DAB2IP: variants seen among roughly 807,000 people sequenced by gnomAD.
The protein encoded by DAB2IP is DAB2 interacting protein, also known as disabled homolog 2-interacting protein.
A neutral mutation model predicts 107.2 loss-of-function variants in DAB2IP; 28 were observed. The ratio of observed to expected loss-of-function variants is 0.26; its 90% CI spans 0.19 to 0.36. The LOEUF is 0.36. DAB2IP is among the 10% of genes least tolerant of loss of function. DAB2IP has a pLI of 1.00. For synonymous variants in DAB2IP, 755 were observed against 706.4 expected, an observed-to-expected ratio of 1.07 and a Z score of -1.09; for missense variants, 1,400 against 1,644.7, an observed-to-expected ratio of 0.85 and a Z score of 2.57.
intron 3 of DAB2IP, among the ~76,000 whole-genome samples, chr9:121,718,335 G>A (rs555404473): frequency 2.9e-4 from 44 of 152,304 alleles, no homozygotes; most frequent in African/African-American, 8.7e-4. Context: ...GGGGGTCCTC[G>A]GACTCTGCTT....
At chr9:121,683,351 G>T (rs979530519) in intron 2 of DAB2IP, among the ~76,000 whole-genome samples, 2 of 152,098 alleles carry the variant, frequency 1.3e-5, no homozygotes. Context: ...AAACTTCCCT[G>T]TTGCGGGCTG....
chr9:121,582,941 G>A (rs759093794), intron 1 of DAB2IP, among the ~76,000 whole-genome samples: 1 of 152,386 alleles, frequency 6.6e-6, no homozygotes, highest in Non-Finnish European at 1.5e-5. Context: ...GCTCTGCCCT[G>A]CGGGCAGCCC....
intron 9 of DAB2IP, among the ~76,000 whole-genome samples, chr9:121,766,963 C>T (rs532173460): frequency 2.0e-5 from 3 of 152,326 alleles, no homozygotes; most frequent in African/African-American, 2.4e-5. Flanking sequence ...TTAAAGGTGA[C>T]GACATGAGAC....
chr9:121,588,951 G>A (rs1271234598), intron 1 of DAB2IP, among the ~76,000 whole-genome samples: 2 of 151,430 alleles, frequency 1.3e-5, no homozygotes, highest in Non-Finnish European at 2.9e-5. Context: ...GGAGATCCGG[G>A]TTGCACATCA....
chr9:121,651,231 C>T (rs1447178521), upstream of DAB2IP, among the ~76,000 whole-genome samples: 1 of 152,232 alleles, frequency 6.6e-6, no homozygotes, highest in Non-Finnish European at 1.5e-5. The surrounding 1 kb of genome is among the most constrained non-coding windows in gnomAD (Gnocchi z 5.1). Context: ...GGGCCAGGGC[C>T]TGCGGAGCAG....
In DAB2IP at chr9:121,641,740, G is replaced by A. The variant is rs907569221; in HGVS notation, c.41-36938G>A. Among the ~76,000 whole-genome samples the A allele has an allele frequency of 2.0e-5, 3 of 152,142 alleles. No homozygotes were observed. In the South Asian group the frequency reaches 6.3e-4, roughly 32 times the overall value. Reference sequence around the variant, plus strand: ...TGTCACACCAGGCCTCAAGAGGTAGGTCACTTGTTCCTGGTCCCACAGCCA... The same window carrying A: ...TGTCACACCAGGCCTCAAGAGGTAGATCACTTGTTCCTGGTCCCACAGCCA... On this transcript the variant is annotated intron_variant, in intron 1 of 16. Transcript: ENST00000259371.
At chr9:121,569,545 C>T (rs964095257) in intron 1 of DAB2IP, among the ~76,000 whole-genome samples, 21 of 152,226 alleles carry the variant, frequency 1.4e-4, no homozygotes, top group African/African-American at 4.6e-4. Flanking sequence ...GAAGGCTGGG[C>T]GCAGTGGCTC....
rs1162025600 is a variant in DAB2IP, at chr9:121,698,929, G to C, written c.229-396G>C. On this transcript the variant is annotated intron_variant, in intron 2 of 15. Transcript: ENST00000408936. The surrounding 1 kb of genome is among the most constrained non-coding windows in gnomAD (Gnocchi z 4.1). Reference sequence around the variant, plus strand: ...GCTCGGAGGCGGCAGGGAGGTGAGCGGGGCGGCCGGCCCTGGCGGTCCCCG... The same window carrying C: ...GCTCGGAGGCGGCAGGGAGGTGAGCCGGGCGGCCGGCCCTGGCGGTCCCCG... 2.0e-5 allele frequency among the ~76,000 whole-genome samples: 3 copies of C among 151,968 alleles called. No homozygotes were observed. Among genetic ancestry groups the C allele is most frequent in the African/African-American group, 4.8e-5 (2 of 41,422 alleles).
At chr9:121,766,756 A>G (rs1834316814) in intron 9 of DAB2IP, 26 bp downstream of exon 9, 1 of 1,610,764 alleles carries the variant, frequency 6.2e-7, no homozygotes, top group South Asian at 1.1e-5. Context: ...CTCACCAGGC[A>G]GAGTTGGGCA....
At chr9:121,697,684 AG>A (rs891897783) in intron 2 of DAB2IP, among the ~76,000 whole-genome samples, 38 of 152,334 alleles carry the variant, frequency 2.5e-4, no homozygotes, top group African/African-American at 8.9e-4. Flanking sequence ...TCCAGGCTGC[AG>A]AGGTGAGAGG....
chr9:121,769,990 A>G (rs1834585090), intron 10 of DAB2IP, among the ~76,000 whole-genome samples: 1 of 152,344 alleles, frequency 6.6e-6, no homozygotes, highest in African/African-American at 2.4e-5. Flanking sequence ...CAGTGTCCCC[A>G]AAGCCTAGAA....
intron 1 of DAB2IP, among the ~76,000 whole-genome samples, chr9:121,578,923 T>C (rs1830127888): frequency 6.6e-6 from 1 of 151,760 alleles, no homozygotes; most frequent in South Asian, 2.1e-4. Flanking sequence ...ACTGGCATTG[T>C]GCAACTCAAC....
At chr9:121,774,445 C>T (rs1336047450) in intron 13 of DAB2IP, 33 bp downstream of exon 13, 30 of 1,562,798 alleles carry the variant, frequency 1.9e-5, no homozygotes, top group Admixed American at 7.8e-5. Flanking sequence ...CGGGACAGGG[C>T]GGGGCTGCCT....
chr9:121,739,390 G>T (rs937623092), intron 3 of DAB2IP, among the ~76,000 whole-genome samples: 1 of 152,210 alleles, frequency 6.6e-6, no homozygotes, highest in African/African-American at 2.4e-5. Context: ...TAGCAGTTCA[G>T]ATTTATTCAG....
intron 3 of DAB2IP, among the ~76,000 whole-genome samples, chr9:121,719,200 T>A (rs148439698): frequency 1.6e-4 from 25 of 152,256 alleles, no homozygotes; most frequent in African/African-American, 6.0e-4. Flanking sequence ...AGTGATCCCT[T>A]TACAGATGGG....
chr9:121,587,159 C>T (rs759776854), intron 1 of DAB2IP, among the ~76,000 whole-genome samples: 4 of 152,180 alleles, frequency 2.6e-5, no homozygotes, highest in Non-Finnish European at 4.4e-5. Flanking sequence ...GGTGCTACTG[C>T]TGATAATCAG....
intron 1 of DAB2IP, among the ~76,000 whole-genome samples, chr9:121,608,355 G>T (rs1830957676): frequency 6.6e-6 from 1 of 152,132 alleles, no homozygotes; most frequent in Non-Finnish European, 1.5e-5. Context: ...ATATTCTTAG[G>T]AGAAGCCAGA....
In DAB2IP at chr9:121,698,746, C is replaced by T. The variant is rs887043462; in HGVS notation, c.229-579C>T. The stretch of plus-strand genomic sequence containing the variant: ...CTGCCAGGCGCAGGCCAGCCGGCGC[C>T]TCAGCCGACCACGCGCCCGCTCTCA... On this transcript the variant is annotated intron_variant, in intron 2 of 15. Coordinates refer to ENST00000408936, the Ensembl canonical transcript of DAB2IP. This position sits in a 1 kb window ranked among gnomAD's most constrained non-coding sequence, Gnocchi z 4.1. 1.3e-5 allele frequency among the ~76,000 whole-genome samples: 2 copies of T among 152,242 alleles called. No individual in the cohort carries two copies. Among genetic ancestry groups the T allele is most frequent in the African/African-American group, 2.4e-5 (1 of 41,474 alleles).
At chr9:121,691,738 G>T (rs1434338814) in intron 2 of DAB2IP, among the ~76,000 whole-genome samples, 2 of 152,134 alleles carry the variant, frequency 1.3e-5, no homozygotes, top group Non-Finnish European at 2.9e-5. Context: ...GGAATCCCCT[G>T]CTCCCACCTT....
Sources: gnomAD v4.1 joint callset for allele counts (sites outside exome capture counted in the v4.1 genomes callset) on GRCh38, gnomAD v4.1.1 for gene constraint, Gnocchi (gnomAD v3.1) non-coding constraint, MANE v1.5 for transcripts, NCBI Gene and HGNC (gene_info 2026-07-23, HGNC 2026-07-21) for gene names.